Variants in DBF4B observed in about 807,000 individuals in gnomAD.
DBF4B encodes the protein DBF4B-CDC7 kinase regulatory subunit, also known as protein DBF4 homolog B.
Under a neutral mutation model 53.4 loss-of-function variants are expected in DBF4B, and 49 were observed. The observed-to-expected ratio is 0.92, with a 90% confidence interval of 0.73 to 1.16. The LOEUF is 1.16. Ranked by LOEUF, DBF4B falls within the 50% of genes most tolerant of loss-of-function variation. The probability of loss-of-function intolerance (pLI) is 0.00; values close to 1 mark genes in which losing one functional copy is unlikely to be tolerated. For missense variants in DBF4B, 692 were observed against 775.0 expected, an observed-to-expected ratio of 0.89 and a Z score of 1.27; for synonymous variants, 257 against 288.7, an observed-to-expected ratio of 0.89 and a Z score of 1.11.
chr17:44,720,752 T>G (rs1037419775), intron 2 of DBF4B, among the ~76,000 whole-genome samples: 3 of 152,214 alleles, frequency 2.0e-5, no homozygotes, highest in African/African-American at 4.8e-5. Flanking sequence ...GTTTAACCTT[T>G]TGAGAAACTA....
rs770652024 is a variant in DBF4B, at chr17:44,749,372, A to T, written c.1189+907A>T. On this transcript the variant is annotated intron_variant, in intron 13 of 13. Coordinates refer to ENST00000315005, the MANE Select transcript of DBF4B (RefSeq NM_145663.3). The surrounding 1 kb of genome is among the most constrained non-coding windows in gnomAD (Gnocchi z 4.4). ...GCAGCTCCAGATTGAAGGGCCACAGATACAACTTACTCCTCTGCTGGGTGC... is the reference window on the plus strand; with the variant it reads ...GCAGCTCCAGATTGAAGGGCCACAGTTACAACTTACTCCTCTGCTGGGTGC... 124 of 1,289,534 alleles carry T rather than the reference A, an allele frequency of 9.6e-5. No homozygotes were observed. Among genetic ancestry groups the T allele is most frequent in the Non-Finnish European group, 1.2e-4 (122 of 988,856 alleles). 79.9% of individuals were successfully genotyped at this position (1,289,534 alleles called of 1,614,324 possible).
chr17:44,750,676 G>A lies in DBF4B; in HGVS notation c.1271G>A (p.Cys424Tyr), dbSNP rs965025756. Residue 424 changes from cysteine to tyrosine, a missense_variant, in exon 14 of 14, where the codon TGT (cysteine) becomes TAT (tyrosine). This residue lies in a region of DBF4B where 597 missense variants were observed against 665.8 expected (regional missense o/e 0.90). Coordinates refer to ENST00000315005, the MANE Select transcript of DBF4B (RefSeq NM_145663.3). ...ATGGGACCTCCTGCAAGTCACACATGTGTGAGTGCCACAACCCTCCTGCCG... is the reference window on the plus strand; with the variant it reads ...ATGGGACCTCCTGCAAGTCACACATATGTGAGTGCCACAACCCTCCTGCCG... Reference protein sequence around the residue: ...GVMGPPASHTCVSATTLLPAL... With the variant: ...GVMGPPASHTYVSATTLLPAL... 3.1e-6 allele frequency: 5 copies of A among 1,613,956 alleles called. No homozygotes were observed. Among genetic ancestry groups the A allele is most frequent in the African/African-American group, 1.3e-5 (1 of 74,928 alleles).
In DBF4B at chr17:44,749,822, G is replaced by C. The variant is rs939513045; in HGVS notation, c.1190-773G>C. The C allele has an allele frequency of 9.7e-7, 1 of 1,035,618 alleles. No homozygotes were observed. The highest frequency in any genetic ancestry group is 1.7e-5 in the African/African-American group (1 of 59,150). The allele number at this position is 1,035,618 out of a possible 1,614,324, so 64.2% of individuals were successfully genotyped here. A position where few individuals can be genotyped will look rare whatever the true frequency, so the allele number is the denominator to read the frequency against. On this transcript the variant is annotated intron_variant, in intron 13 of 13. Coordinates refer to ENST00000315005, the MANE Select transcript of DBF4B (RefSeq NM_145663.3). The surrounding 1 kb of genome is among the most constrained non-coding windows in gnomAD (Gnocchi z 4.4). Reference sequence around the variant, plus strand: ...TTGGTGTGCTCCACCCCCAACCCCGGCCTCCTTTCTCACGAGCATGTGGCC... The same window carrying C: ...TTGGTGTGCTCCACCCCCAACCCCGCCCTCCTTTCTCACGAGCATGTGGCC...
At position 44,749,112 on chromosome 17, in the gene DBF4B, C is replaced by A; in HGVS notation, c.1189+647C>A. 1 of 1,289,738 alleles carries A rather than the reference C, an allele frequency of 7.8e-7. No homozygotes were observed. The highest frequency in any genetic ancestry group is 1.5e-5 in the African/African-American group (1 of 65,982). The allele number at this position is 1,289,738 out of a possible 1,614,324, so 79.9% of individuals were successfully genotyped here. A position where few individuals can be genotyped will look rare whatever the true frequency, so the allele number is the denominator to read the frequency against. Reference sequence around the variant, plus strand: ...CATCAGCTCCCCTGTACTCAGCTACCAGTGTGCAGCCCTCGGGAGCACCTG... The same window carrying A: ...CATCAGCTCCCCTGTACTCAGCTACAAGTGTGCAGCCCTCGGGAGCACCTG... On this transcript the variant is annotated intron_variant, in intron 13 of 13. Coordinates refer to ENST00000315005, the MANE Select transcript of DBF4B (RefSeq NM_145663.3). The surrounding 1 kb of genome is among the most constrained non-coding windows in gnomAD (Gnocchi z 4.4).
chr17:44,736,249 G>T (rs1186320169), intron 7 of DBF4B, among the ~76,000 whole-genome samples: 1 of 151,616 alleles, frequency 6.6e-6, no homozygotes, highest in African/African-American at 2.4e-5. Flanking sequence ...CTACCAAAAT[G>T]TTGAAATTAC....
rs775162998 is a variant in DBF4B, at chr17:44,747,165, C to T, written c.913C>T (p.Gln305Ter). 1.2e-6 allele frequency: 2 copies of T among 1,614,230 alleles called. No homozygotes were observed. The highest frequency in any genetic ancestry group is 2.2e-5 in the South Asian group (2 of 91,088). The change falls in exon 11 of 14, where the codon CAG (glutamine) becomes TAG (stop). Residue 305 changes from glutamine (Q) to a stop codon, truncating the protein, a stop_gained. Coordinates refer to ENST00000315005, the MANE Select transcript of DBF4B (RefSeq NM_145663.3). LOFTEE classifies it high-confidence loss of function. ...GAAGAAAGGCTACTGCGAGTGCTGT[C>T]AGGAGGCCTTCGAGGAGCTCCATGT... ...RRKKGYCECC[Q>*]EAFEELHVHL...
chr17:44,748,971 C>T, intron 13 of DBF4B: 1 of 1,289,912 alleles, frequency 7.8e-7, no homozygotes, highest in Non-Finnish European at 1.0e-6. Flanking sequence ...CCACACAGCC[C>T]TCCTGGCTGG....
intron 10 of DBF4B, among the ~76,000 whole-genome samples, chr17:44,744,608 G>A (rs1275270615): frequency 6.6e-6 from 1 of 152,092 alleles, no homozygotes; most frequent in Non-Finnish European, 1.5e-5. Context: ...GAAATATTGG[G>A]TTAAAAGATA....
intron 6 of DBF4B, 109 bp from the exon 7 acceptor site, chr17:44,733,981 T>TA: frequency 5.9e-6 from 5 of 846,526 alleles, no homozygotes; most frequent in Admixed American, 5.7e-5. Context: ...AAGGCTGGAG[T>TA]GATTCAGTGG....
intron 7 of DBF4B, among the ~76,000 whole-genome samples, chr17:44,734,577 C>T (rs1480504332): frequency 6.6e-6 from 1 of 152,222 alleles, no homozygotes; most frequent in Non-Finnish European, 1.5e-5. Flanking sequence ...AAATAGCTGC[C>T]ATCTTCTAAA....
rs1250133132 is a variant in DBF4B at position 44,749,516 on chromosome 17, C to T, written c.1189+1051C>T. ...AAGTCCAGCAAGCAGCTGTCACGCT[C>T]AGCTCCATGGAGCTGACAGAGCCAC... On this transcript the variant is annotated intron_variant, in intron 13 of 13. Transcript: ENST00000315005. The surrounding 1 kb of genome is among the most constrained non-coding windows in gnomAD (Gnocchi z 4.4). 4 of 1,265,402 alleles carry T rather than the reference C, an allele frequency of 3.2e-6. No homozygotes were observed. Among genetic ancestry groups the T allele is most frequent in the Non-Finnish European group, 4.1e-6 (4 of 976,070 alleles). 78.4% of individuals were successfully genotyped at this position (1,265,402 alleles called of 1,614,324 possible).
rs1266105492 is a variant in DBF4B at position 44,746,397 on chromosome 17, T to C, written c.831-686T>C. Among the ~76,000 whole-genome samples, 3 of 152,178 alleles carry C rather than the reference T, an allele frequency of 2.0e-5. No homozygotes were observed. The South Asian group carries it at 6.2e-4, about 31-fold the overall frequency. On this transcript the variant is annotated intron_variant, in intron 10 of 13. Transcript: ENST00000315005. ...AAGAAGAGCAGTCCCTTCACTGTGG[T>C]TGAGACCTTTTCCCTTTCATCTTTC...
At position 44,735,066 on chromosome 17, in the gene DBF4B, C is replaced by G. The variant is rs558004705; in HGVS notation, c.630+903C>G. On this transcript the variant is annotated intron_variant, in intron 7 of 13. Transcript: ENST00000315005. ...AATGAGTCATGATCGCACCACTGCA[C>G]TCCAGCCTAGGCGACAGCAAAATTC... Among the ~76,000 whole-genome samples the G allele has an allele frequency of 3.3e-5, 5 of 152,214 alleles. No homozygotes were observed. In the South Asian group the frequency reaches 1.0e-3, roughly 32 times the overall value.
At chr17:44,720,497 G>C in intron 2 of DBF4B, 1 of 210,188 alleles carries the variant, frequency 4.8e-6, no homozygotes, top group Non-Finnish European at 9.9e-6. Flanking sequence ...AGACGTTTTA[G>C]CCTTGAGGTT....
intron 5 of DBF4B, 120 bp from the exon 6 acceptor site, chr17:44,732,058 C>A: frequency 1.2e-6 from 1 of 865,804 alleles, no homozygotes; most frequent in Non-Finnish European, 1.8e-6. Flanking sequence ...CTCCTACCTG[C>A]CTCCCTGCAG....
chr17:44,748,099 C>T (rs965521443), intron 12 of DBF4B, among the ~76,000 whole-genome samples: 1 of 152,228 alleles, frequency 6.6e-6, no homozygotes, highest in Non-Finnish European at 1.5e-5. Context: ...AATGGAATAG[C>T]CTCTAACCTA....
At chr17:44,744,377 A>C (rs1976399731) in intron 10 of DBF4B, among the ~76,000 whole-genome samples, 1 of 151,912 alleles carries the variant, frequency 6.6e-6, no homozygotes, top group Non-Finnish European at 1.5e-5. Flanking sequence ...GTGAATCTGC[A>C]CAACAGCCTG....
chr17:44,746,892 C>T (rs1232970473), intron 10 of DBF4B, among the ~76,000 whole-genome samples, 191 bp from the exon 11 acceptor site: 2 of 151,968 alleles, frequency 1.3e-5, no homozygotes, highest in African/African-American at 4.8e-5. Context: ...CGTCTTCTTC[C>T]TTGTTCCCCT....
At chr17:44,747,362 T>C in intron 11 of DBF4B, 29 bp from the exon 12 acceptor site, 2 of 1,612,838 alleles carry the variant, frequency 1.2e-6, no homozygotes, top group Non-Finnish European at 1.7e-6. Context: ...CCTCATCTAA[T>C]GCCCTGTGCT....
Sources: gnomAD v4.1 joint callset for allele counts (sites outside exome capture counted in the v4.1 genomes callset) on GRCh38, gnomAD v4.1.1 for gene constraint, gnomAD v4.1.1 regional missense constraint, Gnocchi (gnomAD v3.1) non-coding constraint, MANE v1.5 for transcripts, NCBI Gene and HGNC (gene_info 2026-07-23, HGNC 2026-07-21) for gene names.